Variants in UTP6 observed in about 807,000 individuals in gnomAD.
UTP6 encodes U3 small nucleolar RNA-associated protein 6 homolog.
A neutral mutation model predicts 96.5 loss-of-function variants in UTP6; 60 were observed. That is an observed-to-expected ratio of 0.62 (90% CI 0.51 to 0.77). UTP6 has a LOEUF of 0.77. Among genes scored for constraint, UTP6 ranks in the 30% least tolerant of loss-of-function variants. UTP6 has a pLI of 0.00. For synonymous variants in UTP6, 215 were observed against 240.1 expected (o/e 0.90, Z 0.96); for missense variants, 637 against 706.5 (o/e 0.90, Z 1.12).
chr17:31,889,562 T>C (rs1911356987), intron 6 of UTP6, among the ~76,000 whole-genome samples, 159 bp from the exon 7 acceptor site: 1 of 148,556 alleles, frequency 6.7e-6, no homozygotes, highest in Non-Finnish European at 1.5e-5. Flanking sequence ...AGTGACGCAA[T>C]CTCGGCTCAC....
intron 14 of UTP6, among the ~76,000 whole-genome samples, 196 bp downstream of exon 14, chr17:31,875,038 T>C (rs1016043688): frequency 6.6e-6 from 1 of 152,178 alleles, no homozygotes; most frequent in Admixed American, 6.6e-5. Flanking sequence ...AAGTTTTATT[T>C]AATTTGGTTA....
At chr17:31,888,512 C>G (rs1911281760) in intron 7 of UTP6, among the ~76,000 whole-genome samples, 5 of 151,978 alleles carry the variant, frequency 3.3e-5, no homozygotes, top group Admixed American at 3.3e-4. Flanking sequence ...AGTTTGAGAC[C>G]AGCCTGCCCA....
intron 4 of UTP6, among the ~76,000 whole-genome samples, chr17:31,894,285 G>GA (rs375515944): frequency 5.7e-4 from 72 of 125,444 alleles, no homozygotes; most frequent in East Asian, 9.4e-4. Context: ...AAAAAAAAAA[G>GA]AAAAAAAAAA....
chr17:31,873,617 C>G (rs1253736304), intron 15 of UTP6, 56 bp downstream of exon 15: 6 of 1,612,332 alleles, frequency 3.7e-6, no homozygotes, highest in African/African-American at 1.3e-5. Context: ...AGCTGACCAA[C>G]CAGGGAACCT....
At chr17:31,892,176 T>G (rs931572002) in intron 6 of UTP6, 84 bp downstream of exon 6, 1 of 1,455,882 alleles carries the variant, frequency 6.9e-7, no homozygotes, top group Non-Finnish European at 9.5e-7. Context: ...AAATAATTTC[T>G]CTTAGATTCA....
chr17:31,863,059 C>G lies in UTP6; in HGVS notation c.*300G>C. 4 of 283,696 alleles carry G rather than the reference C, an allele frequency of 1.4e-5. No individual in the cohort carries two copies. The highest frequency in any genetic ancestry group is 2.6e-5 in the Non-Finnish European group (4 of 151,260). The allele number at this position is 283,696 out of a possible 1,614,324, so 17.6% of individuals were successfully genotyped here. A position where few individuals can be genotyped will look rare whatever the true frequency, so the allele number is the denominator to read the frequency against. On this transcript the variant is annotated 3_prime_UTR_variant, in exon 19 of 19. Coordinates refer to ENST00000261708, the MANE Select transcript of UTP6 (RefSeq NM_018428.3). ...CTTTACTGGAATCAGATTAGCACATCAAACTGAGCAGTGTCATGCACCTAT... is the reference window on the plus strand; with the variant it reads ...CTTTACTGGAATCAGATTAGCACATGAAACTGAGCAGTGTCATGCACCTAT...
At chr17:31,890,460 T>C (rs1178451512) in intron 6 of UTP6, among the ~76,000 whole-genome samples, 1 of 150,874 alleles carries the variant, frequency 6.6e-6, no homozygotes, top group Admixed American at 6.6e-5. Flanking sequence ...TACTAAAAAA[T>C]ACAAAAAATT....
In UTP6 at chr17:31,875,315, C is replaced by T; in HGVS notation, c.1224G>A (p.Leu408=). Residue 408 remains leucine (L), a synonymous_variant, in exon 14 of 19, where the codon CTG becomes CTA. Coordinates refer to ENST00000261708, the MANE Select transcript of UTP6 (RefSeq NM_018428.3). The part of the protein sequence containing the change: ...LFRDSGTMWQ[L]KLQVLIESKS... ...TTGACTCGATCAGCACCTGCAGCTT[C>T]AGCTGCCACATTGTCCCAGAGTCTC... 1 of 1,614,216 alleles carries T rather than the reference C, an allele frequency of 6.2e-7. No homozygotes were observed. The highest frequency in any genetic ancestry group is 8.5e-7 in the Non-Finnish European group (1 of 1,180,026).
intron 2 of UTP6, among the ~76,000 whole-genome samples, chr17:31,895,532 GTGTTT>G (rs932386313): frequency 2.0e-4 from 31 of 151,876 alleles, no homozygotes; most frequent in Admixed American, 1.8e-3. Context: ...CAATCCATAG[GTGTTT>G]TGTTTTGTTT....
chr17:31,864,586 A>G (rs1375510377), intron 18 of UTP6, among the ~76,000 whole-genome samples: 1 of 152,104 alleles, frequency 6.6e-6, no homozygotes, highest in East Asian at 1.9e-4. Flanking sequence ...TTAAGAAAAC[A>G]AAACCATGCA....
chr17:31,873,783 A>G, intron 14 of UTP6, 30 bp from the exon 15 acceptor site: 2 of 1,594,358 alleles, frequency 1.3e-6, no homozygotes, highest in Non-Finnish European at 1.7e-6. Flanking sequence ...TGTTAGTTAG[A>G]GAACAGCATA....
At position 31,861,557 on chromosome 17, in the gene UTP6, G is replaced by A. The variant is rs1909558787; in HGVS notation, c.*1802C>T. On this transcript the variant is annotated 3_prime_UTR_variant, in exon 19 of 19. Coordinates refer to ENST00000261708, the MANE Select transcript of UTP6 (RefSeq NM_018428.3). ...CTTGAGCCCAGAAGTTAAGGCTGTAGTGAGCCATGATCACACCACTGCACT... is the reference window on the plus strand; with the variant it reads ...CTTGAGCCCAGAAGTTAAGGCTGTAATGAGCCATGATCACACCACTGCACT... 6.6e-6 allele frequency: 1 copy of A among 151,434 alleles called. No homozygotes were observed. Among genetic ancestry groups the A allele is most frequent in the Non-Finnish European group, 1.5e-5 (1 of 67,860 alleles). The allele number at this position is 151,434 out of a possible 1,614,324, so 9.4% of individuals were successfully genotyped here.
rs370485752 is a variant in UTP6 at position 31,873,670 on chromosome 17, T to C, written c.1386+3A>G. The C allele has an allele frequency of 1.1e-5, 17 of 1,613,666 alleles. No individual in the cohort carries two copies. Among genetic ancestry groups the C allele is most frequent in the African/African-American group, 1.3e-5 (1 of 74,882 alleles). On this transcript the variant is annotated splice_donor_region_variant and intron_variant, in intron 15 of 18. Transcript: ENST00000261708. ...CACAAGACTTGGAACACGGAGCCTA[T>C]ACCTTAAAGACTGCCTCAGTGTCTT...
intron 4 of UTP6, among the ~76,000 whole-genome samples, chr17:31,893,918 A>C (rs185011415): frequency 7.9e-5 from 12 of 152,140 alleles, no homozygotes; most frequent in African/African-American, 2.9e-4. Flanking sequence ...TGCAGTTCTT[A>C]AAGAATCTCA....
At chr17:31,868,325 GTTTTT>G (rs33960994) in intron 16 of UTP6, among the ~76,000 whole-genome samples, 6 of 90,504 alleles carry the variant, frequency 6.6e-5, no homozygotes, top group African/African-American at 1.3e-4. Flanking sequence ...TAGTTTTTTG[GTTTTT>G]TTTTTTTTTT....
intron 2 of UTP6, 103 bp downstream of exon 2, chr17:31,899,543 A>G: frequency 1.3e-6 from 1 of 750,922 alleles, no homozygotes; most frequent in Admixed American, 3.3e-5. Context: ...CAGAGATCAC[A>G]CCATTCACAC....
At chr17:31,883,497 T>C (rs746753933) in intron 10 of UTP6, among the ~76,000 whole-genome samples, 2 of 152,010 alleles carry the variant, frequency 1.3e-5, no homozygotes, top group Non-Finnish European at 2.9e-5. Flanking sequence ...GTATTTTTAG[T>C]AGAAACGTGG....
At chr17:31,880,521 C>T in intron 11 of UTP6, 52 bp downstream of exon 11, 1 of 1,608,666 alleles carries the variant, frequency 6.2e-7, no homozygotes, top group Middle Eastern at 1.7e-4. Context: ...TTAAGTTTCA[C>T]AATCAGGGAT....
intron 6 of UTP6, among the ~76,000 whole-genome samples, chr17:31,889,850 CAG>C (rs936999220): frequency 7.2e-5 from 11 of 152,026 alleles, no homozygotes; most frequent in African/African-American, 2.7e-4. Flanking sequence ...GCAGTTCGGA[CAG>C]ACAGTTTCTA....
Sources: allele counts gnomAD v4.1 joint callset (sites outside exome capture counted in the v4.1 genomes callset), GRCh38; gene constraint gnomAD v4.1.1; transcripts MANE v1.5; gene names NCBI Gene and HGNC (gene_info 2026-07-23, HGNC 2026-07-21).